The following EDN1 variants were observed in gnomAD, a reference collection of about 807,000 sequenced individuals.
The protein encoded by EDN1 is endothelin 1.
Under a neutral mutation model 21.7 loss-of-function variants are expected in EDN1, and 11 were observed. The observed-to-expected ratio is 0.51, with a 90% CI of 0.32 to 0.84. The LOEUF (loss-of-function observed/expected upper bound fraction) is 0.84, where lower values mean the gene tolerates loss of function less well. Ranked by LOEUF, EDN1 falls within the 40% of genes least tolerant of loss-of-function variation. The pLI is 0.03. For missense variants in EDN1, 244 were observed against 262.3 expected, an observed-to-expected ratio of 0.93 and a Z score of 0.48; for synonymous variants, 85 against 90.6, an observed-to-expected ratio of 0.94 and a Z score of 0.35.
the EDN1 span, among the ~76,000 whole-genome samples, chr6:12,245,089 C>T: frequency 6.6e-6 from 1 of 152,156 alleles, no homozygotes; most frequent in African/African-American, 2.4e-5. Context: ...AAAAATTCTA[C>T]CCTGAAAATA....
At chr6:12,267,903 T>C in the EDN1 span, among the ~76,000 whole-genome samples, 14 of 152,194 alleles carry the variant, frequency 9.2e-5, no homozygotes, top group Non-Finnish European at 1.9e-4. Context: ...TATTTACCAT[T>C]CCAAAAATCC....
At chr6:12,272,758 C>T in the EDN1 span, among the ~76,000 whole-genome samples, 783 of 152,080 alleles carry the variant, frequency 5.1e-3, 8 homozygotes, top group African/African-American at 0.018. Flanking sequence ...TGGGCCACTG[C>T]GCCCAGCTGA....
At chr6:12,285,476 G>A (rs1232683114), upstream of EDN1, among the ~76,000 whole-genome samples, 3 of 152,186 alleles carry the variant, frequency 2.0e-5, no homozygotes, top group Non-Finnish European at 4.4e-5. Flanking sequence ...TAAACAAGAA[G>A]GTATAAGATA....
Position 12,296,860 on chromosome 6 carries a change from T to G in EDN1, c.*793T>G, listed in dbSNP as rs1290547470. ...AAGATCATTAAATCAGGAGATTCCC[T>G]GTCCTTGATTTTTGGAGACACAATG... On this transcript the variant is annotated 3_prime_UTR_variant, in exon 5 of 5. Transcript: ENST00000379375. The G allele has an allele frequency of 1.3e-5, 2 of 152,214 alleles. No homozygotes were observed. The highest frequency in any genetic ancestry group is 2.9e-5 in the Non-Finnish European group (2 of 68,050). The allele number at this position is 152,214 out of a possible 1,614,324, so 9.4% of individuals were successfully genotyped here. A position where few individuals can be genotyped will look rare whatever the true frequency, so the allele number is the denominator to read the frequency against.
the EDN1 span, among the ~76,000 whole-genome samples, chr6:12,251,134 A>G: frequency 6.6e-6 from 1 of 152,240 alleles, no homozygotes; most frequent in Non-Finnish European, 1.5e-5. Flanking sequence ...ACACTCATTC[A>G]TAACTGAAAG....
Position 12,296,236 on chromosome 6 carries a change from C to T in EDN1, c.*169C>T, listed in dbSNP as rs1762822087. 9.3e-6 allele frequency: 6 copies of T among 642,252 alleles called. No individual in the cohort carries two copies. The highest frequency in any genetic ancestry group is 8.8e-5 in the East Asian group (3 of 34,208). The allele number at this position is 642,252 out of a possible 1,614,324, so 39.8% of individuals were successfully genotyped here. A position where few individuals can be genotyped will look rare whatever the true frequency, so the allele number is the denominator to read the frequency against. On this transcript the variant is annotated 3_prime_UTR_variant, in exon 5 of 5. Transcript: ENST00000379375. ...CATTCCAAGAAAGGTTAAGGAGTTC[C>T]CCCAACCATCTTCACTGGCTTCCAT...
chr6:12,281,587 C>T, the EDN1 span, among the ~76,000 whole-genome samples: 1 of 149,080 alleles, frequency 6.7e-6, no homozygotes, highest in Non-Finnish European at 1.5e-5. Context: ...AATGAGTAGA[C>T]ATTAGTTTCT....
the EDN1 span, among the ~76,000 whole-genome samples, chr6:12,244,924 C>T: frequency 6.6e-6 from 1 of 152,156 alleles, no homozygotes; most frequent in Non-Finnish European, 1.5e-5. Flanking sequence ...AATTAATCAA[C>T]TTTTCCTGCA....
At chr6:12,257,610 G>A in the EDN1 span, among the ~76,000 whole-genome samples, 1 of 152,206 alleles carries the variant, frequency 6.6e-6, no homozygotes. Flanking sequence ...TTTAGGAATT[G>A]TAAATATACA....
the EDN1 span, among the ~76,000 whole-genome samples, chr6:12,232,059 A>G: frequency 1.3e-5 from 2 of 148,954 alleles, no homozygotes; most frequent in Non-Finnish European, 3.0e-5. Context: ...ATTTTTATAT[A>G]ATCTCTTAAT....
At chr6:12,236,109 A>G in the EDN1 span, among the ~76,000 whole-genome samples, 1 of 152,236 alleles carries the variant, frequency 6.6e-6, no homozygotes, top group Non-Finnish European at 1.5e-5. Flanking sequence ...ACTTATTTCA[A>G]CTGAATAGTT....
chr6:12,285,664 C>T (rs1049120350), upstream of EDN1, among the ~76,000 whole-genome samples: 3 of 152,106 alleles, frequency 2.0e-5, no homozygotes, highest in Non-Finnish European at 4.4e-5. Context: ...CTCTGCCTCC[C>T]GGGTTCAATG....
chr6:12,265,691 C>T, the EDN1 span, among the ~76,000 whole-genome samples: 1 of 152,228 alleles, frequency 6.6e-6, no homozygotes, highest in South Asian at 2.1e-4. Flanking sequence ...CCCTAATAAA[C>T]TCACACACGA....
chr6:12,276,317 G>A, the EDN1 span, among the ~76,000 whole-genome samples: 2 of 152,168 alleles, frequency 1.3e-5, no homozygotes, highest in Admixed American at 6.5e-5. Flanking sequence ...CGATGTGACT[G>A]TTAGTGCAAG....
chr6:12,287,591 A>C (rs1257407392), upstream of EDN1, among the ~76,000 whole-genome samples: 1 of 151,918 alleles, frequency 6.6e-6, no homozygotes, highest in Non-Finnish European at 1.5e-5. Context: ...GGAGAGATGG[A>C]CAGAGAAGGC....
the EDN1 span, among the ~76,000 whole-genome samples, chr6:12,264,785 G>A: frequency 1.3e-5 from 2 of 152,186 alleles, no homozygotes; most frequent in Non-Finnish European, 2.9e-5. Context: ...CCAGAAGATG[G>A]GGAGAACTAG....
chr6:12,239,950 A>T, the EDN1 span, among the ~76,000 whole-genome samples: 1 of 152,156 alleles, frequency 6.6e-6, no homozygotes, highest in Non-Finnish European at 1.5e-5. Context: ...ATAGAATAGC[A>T]TGATAAAAGG....
chr6:12,251,135 T>TAAC, the EDN1 span, among the ~76,000 whole-genome samples: 2 of 152,192 alleles, frequency 1.3e-5, no homozygotes, highest in South Asian at 4.1e-4. Context: ...CACTCATTCA[T>TAAC]AACTGAAAGG....
chr6:12,294,004 C>A lies in EDN1; in HGVS notation c.297C>A (p.Pro99=). The change falls in exon 3 of 5, where the codon CCC becomes CCA. Residue 99 remains proline, a synonymous_variant. Transcript: ENST00000379375. ...RSKRALENLL[P]TKATDRENRC... ...AGAGAGCCTTGGAGAATTTACTTCC[C>A]ACAAAGGCAACAGACCGTGAAAATA... 1 of 1,614,196 alleles carries A rather than the reference C, an allele frequency of 6.2e-7. No homozygotes were observed. Among genetic ancestry groups the A allele is most frequent in the African/African-American group, 1.3e-5 (1 of 75,050 alleles).
Sources: gnomAD v4.1 joint callset for allele counts (sites outside exome capture counted in the v4.1 genomes callset) on GRCh38, gnomAD v4.1.1 for gene constraint, MANE v1.5 for transcripts, NCBI Gene and HGNC (gene_info 2026-07-23, HGNC 2026-07-21) for gene names.